MST1R: variants seen among roughly 807,000 people sequenced by gnomAD.
MST1R encodes macrophage-stimulating protein receptor.
Under a neutral mutation model 117.8 loss-of-function variants are expected in MST1R, and 99 were observed. That is an observed-to-expected ratio of 0.84 (90% CI 0.71 to 0.99). The LOEUF is 0.99. Among genes scored for constraint, MST1R ranks in the 50% least tolerant of loss-of-function variants. The pLI is 0.00. For synonymous variants in MST1R, 734 were observed against 765.3 expected (o/e 0.96, Z 0.68); for missense variants, 1,683 against 1,840.2 (o/e 0.91, Z 1.56).
intron 14 of MST1R, among the ~76,000 whole-genome samples, chr3:49,894,845 G>A (rs1303139827): frequency 6.7e-6 from 1 of 149,668 alleles, no homozygotes; most frequent in East Asian, 2.0e-4. Flanking sequence ...GTCTCGCTCT[G>A]TCGCCCAGGC....
Position 49,890,001 on chromosome 3 carries a change from G to A in MST1R, c.3870C>T (p.His1290=), listed in dbSNP as rs1185358997. The change falls in exon 19 of 20, where the codon CAC becomes CAT. Residue 1290 remains histidine (H), a synonymous_variant. Coordinates refer to ENST00000296474, the MANE Select transcript of MST1R (RefSeq NM_002447.4). The part of the protein sequence containing the change: ...LLTRGAPPYR[H]IDPFDLTHFL... ...AGTGGGTAAGGTCAAAAGGGTCAAT[G>A]TGGCGGTATGGTGGGGCACCCCGTG... 1.2e-6 allele frequency: 2 copies of A among 1,614,024 alleles called. No homozygotes were observed. The highest frequency in any genetic ancestry group is 4.5e-5 in the East Asian group (2 of 44,882).
At chr3:49,899,399 C>T (rs965125511) in intron 1 of MST1R, 136 bp from the exon 2 acceptor site, 18 of 893,496 alleles carry the variant, frequency 2.0e-5, no homozygotes, top group Middle Eastern at 3.5e-4. Flanking sequence ...CTGGGCCTGC[C>T]GGTTACCATC....
chr3:49,891,212 G>A lies in MST1R; in HGVS notation c.3629C>T (p.Ala1210Val), dbSNP rs1234878460. Residue 1210 changes from alanine (A) to valine (V), a missense_variant, in exon 17 of 20, where the codon GCT becomes GTT. Physicochemically the swap from Ala to Val is moderately conservative, Grantham distance 64. Transcript: ENST00000296474. ...AEQKFVHRDL[A>V]ARNCMLDESF... ...GGACTCTCACATGCAGTTCCGCGCA[G>A]CCAGGTCCCTGTGCACAAACTTCTG... 3 of 1,613,894 alleles carry A rather than the reference G, an allele frequency of 1.9e-6. No homozygotes were observed. Among genetic ancestry groups the A allele is most frequent in the Non-Finnish European group, 2.5e-6 (3 of 1,180,000 alleles).
chr3:49,895,275 CTT>C lies in MST1R; in HGVS notation c.3161_3162del (p.Lys1054ArgfsTer15). ...EDESCVPLLR[K>X]ESIQLRDLDS... ...TCCAGGTCCCTTAGCTGGATGGACTCTTTCCGCAGCAGTGGCACACAGGATTC... is the reference window on the plus strand; with the variant it reads ...TCCAGGTCCCTTAGCTGGATGGACTCTCCGCAGCAGTGGCACACAGGATTC... On this transcript the variant is annotated frameshift_variant, in exon 14 of 20. Transcript: ENST00000296474. LOFTEE classifies it high-confidence loss of function. The C allele has an allele frequency of 6.2e-7, 1 of 1,614,234 alleles. No homozygotes were observed. Among genetic ancestry groups the C allele is most frequent in the Non-Finnish European group, 8.5e-7 (1 of 1,180,046 alleles).
At chr3:49,899,310 C>T (rs1248503673) in intron 1 of MST1R, 47 bp from the exon 2 acceptor site, 6 of 1,604,204 alleles carry the variant, frequency 3.7e-6, no homozygotes, top group Non-Finnish European at 5.1e-6. Flanking sequence ...AGCCTTGTGC[C>T]CCGACCCTCT....
At chr3:49,888,601 CA>C (rs146209932) in intron 19 of MST1R, among the ~76,000 whole-genome samples, 379 of 131,486 alleles carry the variant, frequency 2.9e-3, no homozygotes, top group Middle Eastern at 3.9e-3. Flanking sequence ...GACTCTGTCT[CA>C]AAAAAAAAAA....
intron 9 of MST1R, 42 bp downstream of exon 9, chr3:49,896,498 A>G: frequency 6.2e-7 from 1 of 1,611,794 alleles, no homozygotes; most frequent in Admixed American, 1.7e-5. Flanking sequence ...CAGCTCAGGG[A>G]ACTCATCCAG....
At position 49,903,175 on chromosome 3, in the gene MST1R, C is replaced by A. The variant is rs751124441; in HGVS notation, c.435G>T (p.Leu145=). Residue 145 remains leucine, a synonymous_variant, in exon 1 of 20, where the codon CTG becomes CTT. Transcript: ENST00000296474. ...CGSSLQGRCF[L]HDLEPQGTAV... is the part of the protein sequence containing the mutation. ...CTGTCCCTTGGGGCTCTAGGTCATG[C>A]AGGAAGCAGCGGCCCTGCAGGCTGG... The A allele has an allele frequency of 6.2e-7, 1 of 1,605,108 alleles. No homozygotes were observed. The highest frequency in any genetic ancestry group is 8.5e-7 in the Non-Finnish European group (1 of 1,179,988).
chr3:49,891,376 C>G, intron 16 of MST1R, 23 bp downstream of exon 16: 1 of 1,613,678 alleles, frequency 6.2e-7, no homozygotes, highest in Non-Finnish European at 8.5e-7. Context: ...CAGCCCCCAA[C>G]CCAGAGCCAG....
At chr3:49,897,954 C>G (rs755683506) in intron 5 of MST1R, 97 bp downstream of exon 5, 1 of 1,549,592 alleles carries the variant, frequency 6.5e-7, no homozygotes, top group Admixed American at 1.7e-5. Context: ...TTCCCCCATC[C>G]CCCCTTGCCT....
chr3:49,891,582 T>TGCAGAGCAGCAGCA lies in MST1R; in HGVS notation c.3353-3_3353-2insTGCTGCTGCTCTGC, dbSNP rs1360113817. On this transcript the variant is annotated splice_polypyrimidine_tract_variant and splice_region_variant and intron_variant, in intron 15 of 19. Transcript: ENST00000296474. ...CCACCTGCTGCATCTCTGTGATGCC[T>TGCAGAGCAGCAGCA]GCAGAGCAGCGCAAGTCAGGCACAG... 1.6e-5 allele frequency: 26 copies of TGCAGAGCAGCAGCA among 1,613,610 alleles called. No individual in the cohort carries two copies. The highest frequency in any genetic ancestry group is 1.9e-5 in the Non-Finnish European group (23 of 1,179,934).
At chr3:49,893,908 A>G (rs1344814021) in intron 14 of MST1R, among the ~76,000 whole-genome samples, 1 of 146,192 alleles carries the variant, frequency 6.8e-6, no homozygotes, top group East Asian at 2.0e-4. Flanking sequence ...CAAAAAAAAA[A>G]AAAAAATAAA....
rs779240594 is a variant in MST1R at position 49,895,567 on chromosome 3, T to C, written c.2963-19A>G. 1.2e-6 allele frequency: 2 copies of C among 1,613,808 alleles called. No homozygotes were observed. The highest frequency in any genetic ancestry group is 1.7e-6 in the Non-Finnish European group (2 of 1,179,746). On this transcript the variant is annotated intron_variant, in intron 12 of 19. Coordinates refer to ENST00000296474, the MANE Select transcript of MST1R (RefSeq NM_002447.4). ...GGAAGAACTGTGGAAAGAGAATCCT[T>C]GGTGGCTTGGCTTTCCAAGCTCCTA...
In MST1R at chr3:49,891,518, T is replaced by C. The variant is rs375112444; in HGVS notation, c.3415A>G (p.Asn1139Asp). 125 of 1,613,992 alleles carry C rather than the reference T, an allele frequency of 7.7e-5. No individual in the cohort carries two copies. Among genetic ancestry groups the C allele is most frequent in the Non-Finnish European group, 9.8e-5 (116 of 1,180,042 alleles). Residue 1139 changes from asparagine to aspartate, a missense_variant, in exon 16 of 20, where the codon AAC becomes GAC. By Grantham distance (23) the Asn-to-Asp change is conservative. Transcript: ENST00000296474. ...LREGLLMRGL[N>D]HPNVLALIGI... is the part of the protein sequence containing the mutation. ...ATGAGAGCCAGCACATTCGGGTGGTTCAGGCCACGCATGAGCAGCCCCTCT... is the reference window on the plus strand; with the variant it reads ...ATGAGAGCCAGCACATTCGGGTGGTCCAGGCCACGCATGAGCAGCCCCTCT...
rs372304781 is a variant in MST1R at position 49,897,237 on chromosome 3, G to A, written c.2183+43C>T. The A allele has an allele frequency of 2.6e-6, 4 of 1,568,404 alleles. No homozygotes were observed. The African/African-American group carries it at 4.1e-5, about 16-fold the overall frequency. On this transcript the variant is annotated intron_variant, in intron 7 of 19. Coordinates refer to ENST00000296474, the MANE Select transcript of MST1R (RefSeq NM_002447.4). ...CTGACAGAATCCGGGTCCCCACCTG[G>A]ATAGAACCCTGCGGCCTCCCATGCC...
intron 1 of MST1R, among the ~76,000 whole-genome samples, chr3:49,901,707 A>G (rs2082682688): frequency 7.0e-6 from 1 of 141,970 alleles, no homozygotes. Flanking sequence ...CTCCCTAACA[A>G]GCTCCCAACT....
chr3:49,897,879 C>G, intron 5 of MST1R, 172 bp downstream of exon 5: 2 of 1,133,588 alleles, frequency 1.8e-6, no homozygotes, highest in Non-Finnish European at 1.3e-6. Flanking sequence ...AGGAAGGGCA[C>G]ATGAAAGCTC....
In MST1R at chr3:49,902,493, G is replaced by A; in HGVS notation, c.1117C>T (p.Leu373=). Reference sequence around the variant, plus strand: ...CCCTCATCAATTAGTGTGTCCAGCAGGTCAATGGGGAAGGCACAGACGACA... The same window carrying A: ...CCCTCATCAATTAGTGTGTCCAGCAAGTCAATGGGGAAGGCACAGACGACA... ...NSVVCAFPID[L]LDTLIDEGVE... The change falls in exon 1 of 20, where the codon CTG becomes TTG. Residue 373 remains leucine (L), a synonymous_variant. Coordinates refer to ENST00000296474, the MANE Select transcript of MST1R (RefSeq NM_002447.4). 1 of 1,614,196 alleles carries A rather than the reference G, an allele frequency of 6.2e-7. No homozygotes were observed. The highest frequency in any genetic ancestry group is 1.1e-5 in the South Asian group (1 of 91,090).
In MST1R at chr3:49,891,820, T is replaced by C. The variant is rs1458622585; in HGVS notation, c.3290A>G (p.Tyr1097Cys). 6 of 1,613,956 alleles carry C rather than the reference T, an allele frequency of 3.7e-6. No individual in the cohort carries two copies. In the Admixed American group the frequency reaches 5.0e-5, roughly 13 times the overall value. The change falls in exon 15 of 20, where the codon TAC becomes TGC. Residue 1097 changes from tyrosine to cysteine, a missense_variant. By Grantham distance (194) the Tyr-to-Cys change is radical (BLOSUM62 -2). Transcript: ENST00000296474. ...GGCCTGGTCTATGTATTCTCCGTGG[T>C]AGACAACTCCAAAGTGGCCTGGTGT... ...VIGKGHFGVV[Y>C]HGEYIDQAQN...
Sources: allele counts gnomAD v4.1 joint callset (sites outside exome capture counted in the v4.1 genomes callset), GRCh38; gene constraint gnomAD v4.1.1; transcripts MANE v1.5; gene names NCBI Gene and HGNC (gene_info 2026-07-23, HGNC 2026-07-21).